The following IGSF11 variants were observed in gnomAD, a reference collection of about 807,000 sequenced individuals.
The protein encoded by IGSF11 is immunoglobulin superfamily member 11.
A neutral mutation model predicts 41.0 loss-of-function variants in IGSF11; 22 were observed. That is an observed-to-expected ratio of 0.54 (90% CI 0.38 to 0.77). The LOEUF (loss-of-function observed/expected upper bound fraction) is 0.77, where lower values mean the gene tolerates loss of function less well. Among genes scored for constraint, IGSF11 ranks in the 30% least tolerant of loss-of-function variants. The pLI, the probability that IGSF11 is intolerant of heterozygous loss-of-function variation, is 0.00. For synonymous variants in IGSF11, 219 were observed against 201.3 expected (o/e 1.09, Z -0.74); for missense variants, 444 against 530.8 (o/e 0.84, Z 1.61).
intron 5 of IGSF11, 43 bp downstream of exon 5, chr3:118,905,553 A>T: frequency 6.2e-7 from 1 of 1,607,214 alleles, no homozygotes; most frequent in Non-Finnish European, 8.5e-7. Flanking sequence ...AAGATCTTAG[A>T]GTTTCAGACC....
chr3:119,071,310 C>T (rs1459747073), intron 1 of IGSF11, among the ~76,000 whole-genome samples: 1 of 152,156 alleles, frequency 6.6e-6, no homozygotes, highest in Non-Finnish European at 1.5e-5. Context: ...CCTTCATGCA[C>T]AAATATTTTT....
chr3:118,917,307 A>G lies in IGSF11; in HGVS notation c.580+8794T>C, dbSNP rs1437511093. Among the ~76,000 whole-genome samples the G allele has an allele frequency of 1.1e-4, 17 of 150,792 alleles. No homozygotes were observed. The East Asian group carries it at 2.9e-3, about 26-fold the overall frequency. On this transcript the variant is annotated intron_variant, in intron 4 of 6. Coordinates refer to ENST00000393775, the MANE Select transcript of IGSF11 (RefSeq NM_001015887.3). ...ACACAAAAAACCCTTCAAAAAATCA[A>G]TGAATCCAGGAGCTGGTTTTCTGAA...
intron 3 of IGSF11, 83 bp from the exon 4 acceptor site, chr3:118,926,339 T>A: frequency 8.7e-7 from 1 of 1,145,826 alleles, no homozygotes; most frequent in African/African-American, 1.6e-5. Flanking sequence ...ATTCAGTACA[T>A]TGGACCCTTA....
chr3:118,950,235 C>T (rs995401229), intron 1 of IGSF11, among the ~76,000 whole-genome samples: 4 of 152,090 alleles, frequency 2.6e-5, no homozygotes, highest in African/African-American at 9.7e-5. Context: ...AGAAACAATC[C>T]TATCCACTAA....
chr3:118,905,801 G>A, intron 4 of IGSF11, 83 bp from the exon 5 acceptor site: 1 of 1,470,976 alleles, frequency 6.8e-7, no homozygotes, highest in Non-Finnish European at 9.4e-7. Context: ...CATAAAAACA[G>A]ACGAACACTG....
At chr3:119,031,935 G>C (rs933995398) in intron 1 of IGSF11, among the ~76,000 whole-genome samples, 1 of 152,132 alleles carries the variant, frequency 6.6e-6, no homozygotes, top group African/African-American at 2.4e-5. Context: ...ATTCTGAAAA[G>C]TTATCTGCTA....
At chr3:118,922,279 C>G (rs1357369234) in intron 4 of IGSF11, among the ~76,000 whole-genome samples, 8 of 152,068 alleles carry the variant, frequency 5.3e-5, no homozygotes, top group African/African-American at 1.9e-4. Flanking sequence ...TCTTCCCCAG[C>G]TTTATTGAAG....
At chr3:118,994,936 A>G (rs1318741911) in intron 1 of IGSF11, among the ~76,000 whole-genome samples, 2 of 152,234 alleles carry the variant, frequency 1.3e-5, no homozygotes, top group Non-Finnish European at 2.9e-5. Context: ...GAAGGAAAGC[A>G]GGCCACAGTC....
At chr3:118,932,029 G>A (rs868500571) in intron 1 of IGSF11, among the ~76,000 whole-genome samples, 1 of 152,052 alleles carries the variant, frequency 6.6e-6, no homozygotes, top group African/African-American at 2.4e-5. Context: ...CACCGCACCT[G>A]GCCAAAAGTC....
chr3:119,023,264 A>C (rs1381452537), intron 1 of IGSF11, among the ~76,000 whole-genome samples: 1 of 9,746 alleles, frequency 1.0e-4, no homozygotes, highest in Admixed American at 1.4e-3. Context: ...CTCCGTCTCA[A>C]AAAAAAAAAA....
At chr3:119,108,786 T>C (rs1407135667), upstream of IGSF11, among the ~76,000 whole-genome samples, 1 of 144,946 alleles carries the variant, frequency 6.9e-6, no homozygotes, top group Non-Finnish European at 1.5e-5. Context: ...TTATTGAGAG[T>C]TTTTAGCATG....
chr3:119,084,560 C>A (rs2076639465), intron 1 of IGSF11, among the ~76,000 whole-genome samples: 1 of 152,152 alleles, frequency 6.6e-6, no homozygotes, highest in East Asian at 1.9e-4. Flanking sequence ...TGCCCATCTC[C>A]CTCTAATCTC....
At chr3:118,974,481 G>A (rs934380747) in intron 1 of IGSF11, among the ~76,000 whole-genome samples, 2 of 152,186 alleles carry the variant, frequency 1.3e-5, no homozygotes, top group African/African-American at 2.4e-5. Context: ...CAGATGTTAC[G>A]AGAAGCCTCT....
At chr3:119,050,338 C>A (rs998268835) in intron 1 of IGSF11, among the ~76,000 whole-genome samples, 5 of 152,242 alleles carry the variant, frequency 3.3e-5, no homozygotes, top group Admixed American at 2.6e-4. Context: ...GGGCAAAGGA[C>A]GTGAACAGAC....
intron 3 of IGSF11, among the ~76,000 whole-genome samples, chr3:118,928,003 T>C (rs978852284): frequency 6.6e-6 from 1 of 152,190 alleles, no homozygotes; most frequent in African/African-American, 2.4e-5. Context: ...GATAATATGA[T>C]TTATTCTTCA....
At chr3:119,133,023 A>G (rs2077506099) in intron 1 of IGSF11, among the ~76,000 whole-genome samples, 1 of 152,242 alleles carries the variant, frequency 6.6e-6, no homozygotes. Flanking sequence ...ACCAATGAGA[A>G]CAACGACATA....
At chr3:118,908,003 C>A (rs927245688) in intron 4 of IGSF11, among the ~76,000 whole-genome samples, 3 of 152,132 alleles carry the variant, frequency 2.0e-5, no homozygotes, top group African/African-American at 7.2e-5. Flanking sequence ...AATCTCTGGG[C>A]AATCAACCAC....
chr3:118,964,786 C>A (rs139608010), intron 1 of IGSF11, among the ~76,000 whole-genome samples: 1 of 152,228 alleles, frequency 6.6e-6, no homozygotes, highest in East Asian at 1.9e-4. Flanking sequence ...ATCATATAGT[C>A]TACCAAATCT....
chr3:118,913,486 T>C (rs1940616082), intron 4 of IGSF11, among the ~76,000 whole-genome samples: 1 of 151,938 alleles, frequency 6.6e-6, no homozygotes, highest in South Asian at 2.1e-4. Flanking sequence ...ACAAGAAAGG[T>C]GGGAAGAAAA....
Sources: gnomAD v4.1 joint callset for allele counts (sites outside exome capture counted in the v4.1 genomes callset) on GRCh38, gnomAD v4.1.1 for gene constraint, MANE v1.5 for transcripts, NCBI Gene and HGNC (gene_info 2026-07-23, HGNC 2026-07-21) for gene names.